The following BLTP1 variants were observed in gnomAD, a reference collection of about 807,000 sequenced individuals.
The protein encoded by BLTP1 is fragile site-associated protein.
At chr4:122,223,233 A>C in the BLTP1 span, 1 of 787,590 alleles carries the variant, frequency 1.3e-6, no homozygotes, top group Non-Finnish European at 1.5e-6. Flanking sequence ...AATTAGAGTT[A>C]GCCCTTATCC....
the BLTP1 span, among the ~76,000 whole-genome samples, chr4:122,229,476 A>G: frequency 6.6e-6 from 1 of 152,234 alleles, no homozygotes; most frequent in Non-Finnish European, 1.5e-5. Flanking sequence ...TGGGAAGGAT[A>G]TAAAATAGTA....
chr4:122,318,055 G>A, the BLTP1 span: 1 of 1,313,776 alleles, frequency 7.6e-7, no homozygotes, highest in Non-Finnish European at 1.0e-6. Flanking sequence ...ATCATCTTTG[G>A]TATTCTGACA....
chr4:122,198,084 T>G, the BLTP1 span: 2 of 985,206 alleles, frequency 2.0e-6, no homozygotes, highest in East Asian at 2.3e-4. Context: ...CTTATTTTGG[T>G]GCTGTAAGAG....
At chr4:122,303,027 G>C in the BLTP1 span, among the ~76,000 whole-genome samples, 1 of 152,198 alleles carries the variant, frequency 6.6e-6, no homozygotes, top group Non-Finnish European at 1.5e-5. Flanking sequence ...CTAAACGACA[G>C]ATTTTTCCAT....
the BLTP1 span, among the ~76,000 whole-genome samples, chr4:122,228,060 C>T: frequency 6.6e-6 from 1 of 151,606 alleles, no homozygotes; most frequent in Admixed American, 6.6e-5. Flanking sequence ...ACTACAGGCG[C>T]CCACCACCAC....
the BLTP1 span, chr4:122,183,529 A>T: frequency 2.0e-6 from 2 of 984,900 alleles, no homozygotes; most frequent in Non-Finnish European, 2.4e-6. Context: ...TATTTATGAT[A>T]AGAATTTCCA....
chr4:122,254,143 T>C, the BLTP1 span: 1 of 1,558,400 alleles, frequency 6.4e-7, no homozygotes, highest in Non-Finnish European at 8.8e-7. Flanking sequence ...TCTGTGTTAG[T>C]GGTTTTAAGG....
At chr4:122,198,595 A>G in the BLTP1 span, among the ~76,000 whole-genome samples, 1 of 152,094 alleles carries the variant, frequency 6.6e-6, no homozygotes, top group Non-Finnish European at 1.5e-5. Context: ...TATCTTGAGT[A>G]TATCTATTAT....
At chr4:122,207,631 C>CT in the BLTP1 span, 1 of 1,591,132 alleles carries the variant, frequency 6.3e-7, no homozygotes, top group Non-Finnish European at 8.6e-7. Flanking sequence ...ACCAAGTTCT[C>CT]TTTAAGAGTA....
At chr4:122,245,694 A>G in the BLTP1 span, among the ~76,000 whole-genome samples, 6 of 152,276 alleles carry the variant, frequency 3.9e-5, no homozygotes, top group East Asian at 1.2e-3. Context: ...TTATACTTAG[A>G]GTAGGGACCA....
chr4:122,327,213 C>T, the BLTP1 span, among the ~76,000 whole-genome samples: 3 of 150,586 alleles, frequency 2.0e-5, no homozygotes, highest in Non-Finnish European at 4.4e-5. Flanking sequence ...AGTCATCTCT[C>T]AATATCTGTG....
At chr4:122,169,994 T>G in the BLTP1 span, 3 of 985,280 alleles carry the variant, frequency 3.0e-6, no homozygotes, top group African/African-American at 1.7e-5. Context: ...TATTTCTGAT[T>G]GTTGAGATGT....
chr4:122,333,480 T>A, the BLTP1 span: 1 of 737,460 alleles, frequency 1.4e-6, no homozygotes, highest in South Asian at 2.1e-5. Context: ...ATGGGGTTGT[T>A]TGTTTTTTTC....
At chr4:122,227,548 A>G in the BLTP1 span, 3 of 825,962 alleles carry the variant, frequency 3.6e-6, no homozygotes, top group Non-Finnish European at 2.9e-6. Context: ...GTTCTACAAC[A>G]CAGTGGTTAA....
chr4:122,309,580 G>A, the BLTP1 span: 2 of 1,027,032 alleles, frequency 1.9e-6, no homozygotes, highest in Non-Finnish European at 2.8e-6. Flanking sequence ...CTTTGAGAAA[G>A]AAGGGCTATT....
At chr4:122,175,669 C>T in the BLTP1 span, 108 of 154,244 alleles carry the variant, frequency 7.0e-4, no homozygotes, top group East Asian at 0.019. Context: ...ACTAGAAGAT[C>T]ATGAAACATA....
chr4:122,314,083 T>C, the BLTP1 span: 1 of 978,694 alleles, frequency 1.0e-6, no homozygotes, highest in East Asian at 1.1e-4. Flanking sequence ...TTTTCAAATA[T>C]GGGAGAATAC....
At chr4:122,224,498 C>T in the BLTP1 span, 4 of 1,608,820 alleles carry the variant, frequency 2.5e-6, no homozygotes, top group Non-Finnish European at 3.4e-6. Context: ...TTGTTTTCAG[C>T]AGCGACCCCC....
chr4:122,183,335 CAAAAA>C, the BLTP1 span: 4 of 734,014 alleles, frequency 5.4e-6, no homozygotes, highest in Non-Finnish European at 6.5e-6. Flanking sequence ...GACCCTGTCT[CAAAAA>C]AAAAAAAAAA....
Sources: gnomAD v4.1 joint callset for allele counts (sites outside exome capture counted in the v4.1 genomes callset) on GRCh38, gnomAD v4.1.1 for gene constraint, MANE v1.5 for transcripts, NCBI Gene and HGNC (gene_info 2026-07-23, HGNC 2026-07-21) for gene names.